The following ZFAND4 variants were observed in gnomAD, a reference collection of about 807,000 sequenced individuals.
ZFAND4 encodes zinc finger AN1-type containing 4, also known as AN1-type zinc finger protein 4.
A neutral mutation model predicts 64.4 loss-of-function variants in ZFAND4; 43 were observed. The observed-to-expected ratio is 0.67, with a 90% CI of 0.52 to 0.86. The LOEUF is 0.86. ZFAND4 is among the 40% of genes least tolerant of loss of function. The probability of loss-of-function intolerance (pLI) is 0.00; values close to 1 mark genes in which losing one functional copy is unlikely to be tolerated. For missense variants in ZFAND4, 929 were observed against 859.8 expected, an observed-to-expected ratio of 1.08 and a Z score of -1.01; for synonymous variants, 296 against 305.7, an observed-to-expected ratio of 0.97 and a Z score of 0.33.
At chr10:45,666,839 T>C (rs1263748736) in intron 1 of ZFAND4, among the ~76,000 whole-genome samples, 1 of 152,256 alleles carries the variant, frequency 6.6e-6, no homozygotes, top group East Asian at 1.9e-4. Context: ...AAGGTTTATT[T>C]CCAGACTCTT....
chr10:45,656,913 G>A (rs1317807076), intron 2 of ZFAND4, among the ~76,000 whole-genome samples: 1 of 152,072 alleles, frequency 6.6e-6, no homozygotes, highest in Admixed American at 6.5e-5. Flanking sequence ...CCCTAGACCT[G>A]TGGATTAGTA....
intron 1 of ZFAND4, among the ~76,000 whole-genome samples, chr10:45,670,517 G>A (rs2049111102): frequency 6.6e-6 from 1 of 152,180 alleles, no homozygotes; most frequent in African/African-American, 2.4e-5. Context: ...TGGGATTACA[G>A]GCGTAAGCCA....
Position 45,663,571 on chromosome 10 carries a change from G to A in ZFAND4, c.155C>T (p.Ser52Phe). 6.2e-7 allele frequency: 1 copy of A among 1,600,628 alleles called. No homozygotes were observed. The highest frequency in any genetic ancestry group is 1.1e-5 in the South Asian group (1 of 87,482). ...LRVSPFETVI[S>F]VKAKIRRLEG... ...CAATCTTCGAATTTTTGCTTTCACA[G>A]AAATAACAGTTTCAAAAGGTGAAAC... is the stretch of plus-strand genomic sequence containing the variant. The change falls in exon 2 of 10, where the codon TCT (serine) becomes TTT (phenylalanine). Residue 52 changes from serine (S) to phenylalanine (F), a missense_variant. Coordinates refer to ENST00000344646, the MANE Select transcript of ZFAND4 (RefSeq NM_174890.4).
At position 45,618,191 on chromosome 10, in the gene ZFAND4, T is replaced by G. The variant is rs778528617; in HGVS notation, c.1997A>C (p.His666Pro). ...PLQTKKKTTN[H>P]CFLCGKKTGL... Reference sequence around the variant, plus strand: ...TGTTTTCTTTCCACAAAGAAAACAATGATTTGTTGTTTTCTTCTTTGTCTG... The same window carrying G: ...TGTTTTCTTTCCACAAAGAAAACAAGGATTTGTTGTTTTCTTCTTTGTCTG... The change falls in exon 9 of 10, where the codon CAT becomes CCT. Residue 666 changes from histidine (H) to proline (P), a missense_variant. Coordinates refer to ENST00000344646, the MANE Select transcript of ZFAND4 (RefSeq NM_174890.4). 4.3e-6 allele frequency: 7 copies of G among 1,613,570 alleles called. No homozygotes were observed. The highest frequency in any genetic ancestry group is 1.7e-4 in the Middle Eastern group (1 of 6,060).
intron 1 of ZFAND4, among the ~76,000 whole-genome samples, chr10:45,666,998 T>C (rs1455767469): frequency 2.0e-5 from 3 of 152,236 alleles, no homozygotes; most frequent in African/African-American, 7.2e-5. Flanking sequence ...ATATGAATTT[T>C]AAGTATGCCC....
Position 45,672,513 on chromosome 10 carries a change from AG to A in ZFAND4, c.-382del, listed in dbSNP as rs1163955918. 2 of 152,264 alleles carry A rather than the reference AG, an allele frequency of 1.3e-5. No individual in the cohort carries two copies. Among genetic ancestry groups the A allele is most frequent in the Admixed American group, 1.3e-4 (2 of 15,278 alleles). The allele number at this position is 152,264 out of a possible 1,614,324, so 9.4% of individuals were successfully genotyped here. ...GCGGCCGGCGTCAGGCCGCAAGGCG[AG>A]GGGCGGGGACAGGACTCTACCCGGC... On this transcript the variant is annotated 5_prime_UTR_variant, in exon 1 of 10. Transcript: ENST00000344646.
intron 4 of ZFAND4, 54 bp downstream of exon 4, chr10:45,651,908 TACTA>T (rs2047783114): frequency 4.7e-6 from 7 of 1,476,030 alleles, no homozygotes; most frequent in South Asian, 1.2e-5. Flanking sequence ...GCTATAAAAA[TACTA>T]ACTGACATAA....
intron 1 of ZFAND4, among the ~76,000 whole-genome samples, chr10:45,668,977 CA>C (rs1433116023): frequency 1.3e-5 from 2 of 152,080 alleles, no homozygotes; most frequent in Non-Finnish European, 2.9e-5. Context: ...CCTAAAATCA[CA>C]ATTAAAAGAA....
At position 45,627,115 on chromosome 10, in the gene ZFAND4, A is replaced by G; in HGVS notation, c.718-10T>C. On this transcript the variant is annotated splice_polypyrimidine_tract_variant and intron_variant, in intron 6 of 9. Transcript: ENST00000344646. ...TGACAGCTTTCTTAGGCTAAAAGGA[A>G]TGAATATACAGTTTCTTTACACAGT... 2 of 1,523,042 alleles carry G rather than the reference A, an allele frequency of 1.3e-6. No individual in the cohort carries two copies. Among genetic ancestry groups the G allele is most frequent in the Non-Finnish European group, 1.8e-6 (2 of 1,138,498 alleles). 94.3% of individuals were successfully genotyped at this position (1,523,042 alleles called of 1,614,324 possible).
rs41299230 is a variant in ZFAND4, at chr10:45,626,438, C to T, written c.1385G>A (p.Arg462Gln). ...TCTATTCTTGTGAGGACTTAATTCC[C>T]GGTAGTTAAGAACTGAAGTCTCTAC... The part of the protein sequence containing the change: ...ESVETSVLNY[R>Q]ELSPHKNRLL... The change falls in exon 7 of 10, where the codon CGG becomes CAG. Residue 462 changes from arginine to glutamine, a missense_variant. By Grantham distance (43) the Arg-to-Gln change is conservative. Coordinates refer to ENST00000344646, the MANE Select transcript of ZFAND4 (RefSeq NM_174890.4). The T allele has an allele frequency of 8.4e-3, 13,584 of 1,613,694 alleles. 80 individuals carry two copies. The highest frequency in any genetic ancestry group is 9.3e-3 in the Non-Finnish European group (10,969 of 1,180,006).
At chr10:45,636,362 G>A in intron 6 of ZFAND4, among the ~76,000 whole-genome samples, 1 of 152,064 alleles carries the variant, frequency 6.6e-6, no homozygotes, top group Non-Finnish European at 1.5e-5. Flanking sequence ...TGGTCTAGGC[G>A]CAGTGACTCA....
chr10:45,649,245 G>T (rs537515618), intron 4 of ZFAND4, among the ~76,000 whole-genome samples: 17 of 151,384 alleles, frequency 1.1e-4, no homozygotes, highest in Non-Finnish European at 1.6e-4. Context: ...TTTTCTTTCT[G>T]GTTTTATATA....
chr10:45,634,487 C>G (rs1033887292), intron 6 of ZFAND4, among the ~76,000 whole-genome samples: 7 of 150,972 alleles, frequency 4.6e-5, no homozygotes, highest in Non-Finnish European at 1.0e-4. Context: ...CGAGACCACA[C>G]CACTGCACTC....
chr10:45,668,025 C>G (rs1346731036), intron 1 of ZFAND4, among the ~76,000 whole-genome samples: 1 of 152,108 alleles, frequency 6.6e-6, no homozygotes, highest in Non-Finnish European at 1.5e-5. Context: ...TTTTCATTGT[C>G]TATTGAAATA....
At chr10:45,632,054 A>G (rs1197477193) in intron 6 of ZFAND4, among the ~76,000 whole-genome samples, 1 of 152,214 alleles carries the variant, frequency 6.6e-6, no homozygotes, top group East Asian at 1.9e-4. Context: ...AAGACTGATC[A>G]TAAGAATGGA....
At chr10:45,619,522 G>C (rs1199476078) in intron 8 of ZFAND4, among the ~76,000 whole-genome samples, 1 of 152,156 alleles carries the variant, frequency 6.6e-6, no homozygotes, top group Admixed American at 6.5e-5. Flanking sequence ...AAGAAAGAAT[G>C]CAAGAACAAG....
intron 2 of ZFAND4, chr10:45,662,492 A>G (rs2048545870): frequency 1.7e-6 from 1 of 587,588 alleles, no homozygotes; most frequent in South Asian, 7.5e-5. Context: ...TTTCACCTTC[A>G]TGCTCCAAAA....
intron 2 of ZFAND4, among the ~76,000 whole-genome samples, chr10:45,659,413 A>T (rs904503957): frequency 6.6e-6 from 1 of 152,224 alleles, no homozygotes; most frequent in Non-Finnish European, 1.5e-5. Flanking sequence ...GGGAGACAAA[A>T]CAAGAAAAAA....
At chr10:45,624,392 G>A (rs2045646980) in intron 8 of ZFAND4, among the ~76,000 whole-genome samples, 191 bp downstream of exon 8, 1 of 151,854 alleles carries the variant, frequency 6.6e-6, no homozygotes, top group Admixed American at 6.6e-5. Flanking sequence ...TTCAATTTTT[G>A]TTTTATTCTT....
Sources: allele counts gnomAD v4.1 joint callset (sites outside exome capture counted in the v4.1 genomes callset), GRCh38; gene constraint gnomAD v4.1.1; transcripts MANE v1.5; gene names NCBI Gene and HGNC (gene_info 2026-07-23, HGNC 2026-07-21).